The following EFCAB3 variants were observed in gnomAD, a reference collection of about 807,000 sequenced individuals.
The protein encoded by EFCAB3 is EF-hand calcium binding domain 3, also known as EF-hand calcium-binding domain-containing protein 3.
EFCAB3 carries 36 observed loss-of-function variants against 42.2 expected under a neutral mutation model. The observed-to-expected ratio is 0.85, with a 90% confidence interval of 0.65 to 1.13. The LOEUF (loss-of-function observed/expected upper bound fraction) is 1.13. EFCAB3 is among the 50% of genes most tolerant of loss of function. EFCAB3 has a pLI of 0.00. For synonymous variants in EFCAB3, 170 were observed against 172.8 expected, an observed-to-expected ratio of 0.98 and a Z score of 0.13; for missense variants, 418 against 505.1, an observed-to-expected ratio of 0.83 and a Z score of 1.65.
chr17:62,406,673 A>G lies in EFCAB3; in HGVS notation c.682A>G (p.Arg228Gly), dbSNP rs768486519. The G allele has an allele frequency of 2.4e-5, 39 of 1,613,756 alleles. No individual in the cohort carries two copies. Among genetic ancestry groups the G allele is most frequent in the Middle Eastern group, 3.3e-4 (2 of 6,084 alleles). ...ATTTAAATTTCTTGAAGAGCTCAAG[A>G]GTAAGAGCCATTTGTTCTCTCTCTA... is the stretch of plus-strand genomic sequence containing the variant. ...DLFKFLEELK[R>G]CNSGSDSPYS... The change falls in exon 7 of 10, where the codon AGA (arginine) becomes GGA (glycine). Residue 228 changes from arginine (R) to glycine (G), a missense_variant and splice_region_variant. Transcript: ENST00000305286.
chr17:62,407,224 A>G lies in EFCAB3; in HGVS notation c.867+12A>G. On this transcript the variant is annotated intron_variant, in intron 8 of 9. Transcript: ENST00000305286. ...ACTGGAAAACACAGGTGAGATTTAG[A>G]TTATGTCACATTAGTTAAATACTTG... 1.3e-6 allele frequency: 2 copies of G among 1,539,706 alleles called. No homozygotes were observed. Among genetic ancestry groups the G allele is most frequent in the Non-Finnish European group, 1.7e-6 (2 of 1,146,556 alleles).
intron 8 of EFCAB3, 89 bp downstream of exon 8, chr17:62,407,301 T>C (rs1038175411): frequency 1.7e-6 from 2 of 1,196,124 alleles, no homozygotes; most frequent in African/African-American, 3.1e-5. Flanking sequence ...TTACAACAAA[T>C]AGTTTTAGTC....
At chr17:62,376,792 C>T (rs1435558725), upstream of EFCAB3, among the ~76,000 whole-genome samples, 4 of 152,204 alleles carry the variant, frequency 2.6e-5, no homozygotes, top group Non-Finnish European at 5.9e-5. Context: ...ACATTCAGAA[C>T]TTCACTCTGG....
intron 5 of EFCAB3, among the ~76,000 whole-genome samples, chr17:62,394,249 A>G (rs1374984912): frequency 6.6e-6 from 1 of 152,194 alleles, no homozygotes; most frequent in Non-Finnish European, 1.5e-5. Context: ...CACCACGCCC[A>G]GCCTATAATG....
At chr17:62,373,635 T>C (rs1026068592) in intron 1 of EFCAB3, among the ~76,000 whole-genome samples, 5 of 152,018 alleles carry the variant, frequency 3.3e-5, no homozygotes, top group Non-Finnish European at 7.4e-5. Context: ...AAGTTCATCT[T>C]TTTTTTTCCA....
chr17:62,393,112 T>A (rs2144081269), intron 4 of EFCAB3, among the ~76,000 whole-genome samples: 1 of 152,336 alleles, frequency 6.6e-6, no homozygotes, highest in Non-Finnish European at 1.5e-5. Flanking sequence ...AAGGTGTCAC[T>A]TGCTTCTACT....
intron 6 of EFCAB3, chr17:62,397,295 G>A (rs879053084): frequency 1.1e-5 from 3 of 284,488 alleles, no homozygotes; most frequent in Admixed American, 4.4e-5. Flanking sequence ...TGAGGTGCAT[G>A]GATCACTTGA....
At chr17:62,408,559 CAATTAATTAA>C (rs2070467988) in intron 8 of EFCAB3, among the ~76,000 whole-genome samples, 1 of 152,182 alleles carries the variant, frequency 6.6e-6, no homozygotes, top group Non-Finnish European at 1.5e-5. Context: ...GTTTAAGTTT[CAATTAATTAA>C]AATTAAATAA....
At chr17:62,381,704 C>T (rs879084921) in intron 1 of EFCAB3, 30 of 222,406 alleles carry the variant, frequency 1.3e-4, no homozygotes, top group African/African-American at 5.5e-4. Context: ...TGGCTGCCCT[C>T]GGGGGCAGCA....
intron 6 of EFCAB3, among the ~76,000 whole-genome samples, chr17:62,404,503 CAATA>C (rs546435444): frequency 2.1e-3 from 325 of 152,048 alleles, no homozygotes; most frequent in African/African-American, 7.1e-3. Flanking sequence ...AAAATAATAA[CAATA>C]AATAACAGGC....
At chr17:62,403,027 T>A (rs898952810) in intron 6 of EFCAB3, among the ~76,000 whole-genome samples, 1 of 152,228 alleles carries the variant, frequency 6.6e-6, no homozygotes, top group Non-Finnish European at 1.5e-5. Flanking sequence ...GGAGGGTATA[T>A]GTGTCCAGGA....
chr17:62,398,702 T>TACACAC (rs138374505), intron 6 of EFCAB3, among the ~76,000 whole-genome samples: 5 of 148,794 alleles, frequency 3.4e-5, no homozygotes, highest in South Asian at 4.2e-4. Context: ...ATTATATATG[T>TACACAC]ACACACACAC....
intron 5 of EFCAB3, 53 bp downstream of exon 5, chr17:62,393,697 A>G (rs1344037802): frequency 1.4e-6 from 2 of 1,467,362 alleles, no homozygotes; most frequent in South Asian, 1.2e-5. Flanking sequence ...AACTCACTGC[A>G]CAGCAAACAT....
intron 8 of EFCAB3, among the ~76,000 whole-genome samples, chr17:62,407,885 A>C (rs921123251): frequency 2.0e-5 from 3 of 152,172 alleles, no homozygotes; most frequent in African/African-American, 7.2e-5. Flanking sequence ...TGGGTTCCAG[A>C]GGTCCATGTG....
At chr17:62,371,321 G>A (rs575457532) in intron 1 of EFCAB3, among the ~76,000 whole-genome samples, 1 of 152,046 alleles carries the variant, frequency 6.6e-6, no homozygotes, top group African/African-American at 2.4e-5. Context: ...TTGGGAGGCT[G>A]AGGCGGGTGG....
chr17:62,371,178 G>A (rs1171150070), intron 1 of EFCAB3, among the ~76,000 whole-genome samples: 2 of 152,010 alleles, frequency 1.3e-5, no homozygotes, highest in African/African-American at 4.8e-5. Flanking sequence ...AAGCTCTCAG[G>A]TGATGCCAAT....
At chr17:62,408,334 T>C (rs953911110) in intron 8 of EFCAB3, among the ~76,000 whole-genome samples, 1 of 152,242 alleles carries the variant, frequency 6.6e-6, no homozygotes, top group South Asian at 2.1e-4. Context: ...GCAGAAATAA[T>C]GTCAATAGCT....
intron 1 of EFCAB3, among the ~76,000 whole-genome samples, chr17:62,382,363 TAAAC>T (rs2070210215): frequency 6.6e-6 from 1 of 152,236 alleles, no homozygotes; most frequent in South Asian, 2.1e-4. Context: ...TATACATTGT[TAAAC>T]AATCACCACA....
At chr17:62,397,728 A>G (rs891891118) in intron 6 of EFCAB3, 9 of 489,700 alleles carry the variant, frequency 1.8e-5, no homozygotes, top group East Asian at 5.3e-5. Flanking sequence ...GGATTTGGTT[A>G]AAAAGGTCAT....
Sources: gnomAD v4.1 joint callset for allele counts (sites outside exome capture counted in the v4.1 genomes callset) on GRCh38, gnomAD v4.1.1 for gene constraint, MANE v1.5 for transcripts, NCBI Gene and HGNC (gene_info 2026-07-23, HGNC 2026-07-21) for gene names.